The following DISC1 variants were observed in gnomAD, a reference collection of about 807,000 sequenced individuals.
The protein encoded by DISC1 is DISC1 scaffold protein.
In DISC1, 57 loss-of-function variants were observed where a neutral mutation model predicts 84.5. The observed-to-expected ratio is 0.67, with a 90% CI of 0.55 to 0.84. DISC1 has a LOEUF of 0.84. DISC1 is among the 40% of genes least tolerant of loss of function. The probability of loss-of-function intolerance (pLI) is 0.00; values close to 1 mark genes in which losing one functional copy is unlikely to be tolerated. For missense variants in DISC1, 1,000 were observed against 1,057.8 expected (o/e 0.95, Z 0.76); for synonymous variants, 411 against 415.2 (o/e 0.99, Z 0.12).
intron 9 of DISC1, among the ~76,000 whole-genome samples, chr1:231,868,431 T>G (rs1475347981): frequency 2.0e-5 from 3 of 152,094 alleles, no homozygotes; most frequent in Non-Finnish European, 4.4e-5. Flanking sequence ...AAGTTTCCAG[T>G]CCTGGGATGT....
At chr1:231,822,731 G>A (rs185831095) in intron 9 of DISC1, among the ~76,000 whole-genome samples, 1 of 152,288 alleles carries the variant, frequency 6.6e-6, no homozygotes, top group East Asian at 1.9e-4. Context: ...TCACAGTTTT[G>A]CAGGCTGTCT....
In DISC1 at chr1:231,897,927, C is replaced by T. The variant is rs977616896; in HGVS notation, c.1982-60901C>T. On this transcript the variant is annotated intron_variant, in intron 9 of 12. Coordinates refer to ENST00000439617, the MANE Select transcript of DISC1 (RefSeq NM_018662.3). This position sits in a 1 kb window ranked among gnomAD's most constrained non-coding sequence, Gnocchi z 4.5. The stretch of plus-strand genomic sequence containing the variant: ...CCTGGGGCAGGGGAGAGGTGGCCCT[C>T]GATTAAATATATACGAGCAAGTATT... Among the ~76,000 whole-genome samples the T allele has an allele frequency of 3.3e-5, 5 of 152,008 alleles. No homozygotes were observed. Among genetic ancestry groups the T allele is most frequent in the Admixed American group, 2.0e-4 (3 of 15,262 alleles).
At position 231,826,210 on chromosome 1, in the gene DISC1, G is replaced by A. The variant is rs1404765884; in HGVS notation, c.1981+7693G>A. ...GAGGTTTAGGAAGGATCCTGTCACA[G>A]AGCCTTCAGGGGGCAAGGCCACCAT... On this transcript the variant is annotated intron_variant, in intron 9 of 12. Transcript: ENST00000439617. The surrounding 1 kb of genome is among the most constrained non-coding windows in gnomAD (Gnocchi z 4.2). Among the ~76,000 whole-genome samples the A allele has an allele frequency of 6.6e-6, 1 of 152,052 alleles. No homozygotes were observed. The highest frequency in any genetic ancestry group is 1.5e-5 in the Non-Finnish European group (1 of 68,038).
chr1:231,687,019 C>G (rs530351885), intron 1 of DISC1, among the ~76,000 whole-genome samples: 1 of 152,270 alleles, frequency 6.6e-6, no homozygotes, highest in East Asian at 1.9e-4. Flanking sequence ...CATCTGAGAC[C>G]ACCTCAGCCT....
At chr1:231,993,649 G>A (rs991209861) in intron 10 of DISC1, among the ~76,000 whole-genome samples, 2 of 152,102 alleles carry the variant, frequency 1.3e-5, no homozygotes, top group Admixed American at 6.5e-5. Flanking sequence ...TGCTCTGGGC[G>A]CTTGGACTAG....
intron 3 of DISC1, among the ~76,000 whole-genome samples, chr1:231,708,340 C>G (rs915265458): frequency 7.2e-5 from 11 of 152,196 alleles, no homozygotes; most frequent in African/African-American, 2.7e-4. Flanking sequence ...TTTTTCCTGA[C>G]TCCATGGACA....
At position 231,850,313 on chromosome 1, in the gene DISC1, C is replaced by T. The variant is rs182078987; in HGVS notation, c.1981+31796C>T. The stretch of plus-strand genomic sequence containing the variant: ...GACGGAGGCGTGAGGTAGGATCCTA[C>T]GACAGACAGCCTTTAGTGAGTTACC... On this transcript the variant is annotated intron_variant, in intron 9 of 12. Coordinates refer to ENST00000439617, the MANE Select transcript of DISC1 (RefSeq NM_018662.3). 1.4e-4 allele frequency among the ~76,000 whole-genome samples: 21 copies of T among 152,366 alleles called. 1 individual carries two copies. The highest frequency in any genetic ancestry group is 1.2e-3 in the Admixed American group (18 of 15,304).
chr1:231,821,808 G>A (rs2125778784), intron 9 of DISC1, among the ~76,000 whole-genome samples: 1 of 150,850 alleles, frequency 6.6e-6, no homozygotes, highest in Admixed American at 6.6e-5. Flanking sequence ...CCGTCTCCCA[G>A]GTTCAAGCGA....
chr1:231,833,477 T>C lies in DISC1; in HGVS notation c.1981+14960T>C, dbSNP rs577016814. 3.4e-4 allele frequency among the ~76,000 whole-genome samples: 51 copies of C among 151,884 alleles called. 1 individual carries two copies. Among genetic ancestry groups the C allele is most frequent in the African/African-American group, 1.2e-3 (49 of 41,158 alleles). ...CGATTTGGCAGTGTCAGTCTTCAGC[T>C]GCTAAGCTGAGAAGATCTGGGAAGG... On this transcript the variant is annotated intron_variant, in intron 9 of 12. Coordinates refer to ENST00000439617, the MANE Select transcript of DISC1 (RefSeq NM_018662.3).
At chr1:231,867,130 A>C (rs1300223737) in intron 9 of DISC1, among the ~76,000 whole-genome samples, 1 of 152,070 alleles carries the variant, frequency 6.6e-6, no homozygotes, top group Non-Finnish European at 1.5e-5. Context: ...CTTAATACCC[A>C]CCTTGCTGGT....
intron 9 of DISC1, among the ~76,000 whole-genome samples, chr1:231,836,772 T>C (rs968975963): frequency 1.3e-5 from 2 of 152,170 alleles, no homozygotes; most frequent in African/African-American, 2.4e-5. Context: ...CCACCTTAAC[T>C]TCCCAGGATG....
intron 10 of DISC1, among the ~76,000 whole-genome samples, chr1:231,998,233 A>G (rs1447380129): frequency 6.6e-6 from 1 of 152,244 alleles, no homozygotes; most frequent in Non-Finnish European, 1.5e-5. Context: ...GGGAAAACTT[A>G]AAAGATAAAT....
chr1:231,923,913 G>A (rs1025494015), intron 9 of DISC1, among the ~76,000 whole-genome samples: 1 of 152,202 alleles, frequency 6.6e-6, no homozygotes, highest in Non-Finnish European at 1.5e-5. Flanking sequence ...CACCAGAGGA[G>A]GCGTGATGGG....
In DISC1 at chr1:231,887,920, G is replaced by A. The variant is rs74144174; in HGVS notation, c.1981+69403G>A. 7.7e-3 allele frequency among the ~76,000 whole-genome samples: 1,177 copies of A among 152,270 alleles called. 17 individuals carry two copies. Among genetic ancestry groups the A allele is most frequent in the African/African-American group, 0.027 (1,117 of 41,552 alleles). The stretch of plus-strand genomic sequence containing the variant: ...AATTACAATAACAAAACACTATACC[G>A]TTGTGAAAGTGAGTGAGCTACAGCT... On this transcript the variant is annotated intron_variant, in intron 9 of 12. Transcript: ENST00000439617.
At chr1:231,800,416 G>C (rs1366282988) in intron 8 of DISC1, among the ~76,000 whole-genome samples, 1 of 152,138 alleles carries the variant, frequency 6.6e-6, no homozygotes, top group African/African-American at 2.4e-5. Flanking sequence ...TCTAGTTCCT[G>C]TTTCTTGAAG....
chr1:231,783,890 C>A (rs573982413), intron 6 of DISC1, among the ~76,000 whole-genome samples: 111 of 152,178 alleles, frequency 7.3e-4, no homozygotes, highest in African/African-American at 2.5e-3. Flanking sequence ...TCATTTTTTT[C>A]TCTCCCTTTC....
At chr1:231,869,334 A>G (rs954356840) in intron 9 of DISC1, among the ~76,000 whole-genome samples, 5 of 152,146 alleles carry the variant, frequency 3.3e-5, no homozygotes, top group African/African-American at 1.2e-4. Context: ...AAAAGTAAAA[A>G]TGGCCCTCAA....
intron 9 of DISC1, among the ~76,000 whole-genome samples, chr1:231,873,607 G>T (rs79048531): frequency 1.3e-5 from 2 of 152,310 alleles, no homozygotes; most frequent in East Asian, 3.9e-4. Context: ...TAATGAGAAG[G>T]CAGGTTAGGA....
At chr1:231,701,190 A>T (rs1572999331) in intron 2 of DISC1, among the ~76,000 whole-genome samples, 1 of 152,124 alleles carries the variant, frequency 6.6e-6, no homozygotes, top group South Asian at 2.1e-4. Flanking sequence ...TGTGCAGGGG[A>T]ACTCCCTTTT....
Sources: allele counts gnomAD v4.1 joint callset (sites outside exome capture counted in the v4.1 genomes callset), GRCh38; gene constraint gnomAD v4.1.1; non-coding constraint Gnocchi (gnomAD v3.1); transcripts MANE v1.5; gene names NCBI Gene and HGNC (gene_info 2026-07-23, HGNC 2026-07-21).